The following PRMT9 variants were observed in gnomAD, a reference collection of about 807,000 sequenced individuals.
PRMT9 encodes protein arginine N-methyltransferase 9.
Under a neutral mutation model 83.2 loss-of-function variants are expected in PRMT9, and 59 were observed. The ratio of observed to expected loss-of-function variants is 0.71; its 90% CI spans 0.57 to 0.88. The LOEUF (loss-of-function observed/expected upper bound fraction) is 0.88, where lower values mean the gene tolerates loss of function less well. Ranked by LOEUF, PRMT9 falls within the 40% of genes least tolerant of loss-of-function variation. PRMT9 has a pLI of 0.00. For synonymous variants in PRMT9, 333 were observed against 353.2 expected, an observed-to-expected ratio of 0.94 and a Z score of 0.64; for missense variants, 947 against 1,021.9, an observed-to-expected ratio of 0.93 and a Z score of 1.00.
In PRMT9 at chr4:147,683,828, G is replaced by A. The variant is rs762505946; in HGVS notation, c.160C>T (p.Leu54=). 6.2e-7 allele frequency: 1 copy of A among 1,611,150 alleles called. No homozygotes were observed. Among genetic ancestry groups the A allele is most frequent in the Non-Finnish European group, 8.5e-7 (1 of 1,178,742 alleles). The change falls in exon 1 of 12, where the codon CTG becomes TTG. Residue 54 remains leucine, a synonymous_variant. Transcript: ENST00000322396. ...AYAHYLLVLS[L]APELKHDVKE... ...ACGTCGTGTTTCAGCTCCGGCGCCA[G>A]GCTGAGCACGAGGAGGTAGTGGGCA...
At chr4:147,658,095 T>TGCCA in intron 7 of PRMT9, 120 bp from the exon 8 acceptor site, 1 of 719,324 alleles carries the variant, frequency 1.4e-6, no homozygotes, top group Non-Finnish European at 2.4e-6. Context: ...AGGGATTCAG[T>TGCCA]ATCTTGGCAC....
In PRMT9 at chr4:147,673,748, G is replaced by A. The variant is rs368933812; in HGVS notation, c.465C>T (p.Ile155=). Residue 155 remains isoleucine (I), a synonymous_variant, in exon 3 of 12, where the codon ATC becomes ATT. Coordinates refer to ENST00000322396, the MANE Select transcript of PRMT9 (RefSeq NM_138364.4). ...ANWLVERWHF[I]MLNDTKRNTI... ...TATTCCTCTTGGTGTCATTAAGCAT[G>A]ATAAAGTGCCAGCGTTCCACCAACC... 103 of 1,613,784 alleles carry A rather than the reference G, an allele frequency of 6.4e-5. No individual in the cohort carries two copies. The highest frequency in any genetic ancestry group is 8.7e-5 in the Non-Finnish European group (103 of 1,179,846).
Position 147,683,841 on chromosome 4 carries a change from G to A in PRMT9, c.147C>T (p.Leu49=), listed in dbSNP as rs372671951. 3.1e-6 allele frequency: 5 copies of A among 1,613,364 alleles called. No individual in the cohort carries two copies. In the African/African-American group the frequency reaches 5.4e-5, roughly 17 times the overall value. Residue 49 remains leucine (L), a synonymous_variant, in exon 1 of 12, where the codon CTC becomes CTT. Transcript: ENST00000322396. ...QDFGTAYAHY[L]LVLSLAPELK... ...GCTCCGGCGCCAGGCTGAGCACGAG[G>A]AGGTAGTGGGCATAGGCAGTGCCGA...
chr4:147,647,347 C>G (rs895121903), intron 9 of PRMT9, among the ~76,000 whole-genome samples: 1 of 152,022 alleles, frequency 6.6e-6, no homozygotes, highest in South Asian at 2.1e-4. Context: ...TGACTCAGCA[C>G]AGGAAGATCG....
At chr4:147,640,109 G>A (rs1210056976) in intron 10 of PRMT9, among the ~76,000 whole-genome samples, 1 of 106,254 alleles carries the variant, frequency 9.4e-6, no homozygotes, top group Non-Finnish European at 1.7e-5. Context: ...GTCTCACTCT[G>A]TTCCCCAGGC....
chr4:147,668,875 A>G (rs1282129093), intron 5 of PRMT9, among the ~76,000 whole-genome samples: 1 of 152,056 alleles, frequency 6.6e-6, no homozygotes, highest in Non-Finnish European at 1.5e-5. Flanking sequence ...TCACGAGGTC[A>G]GGAGATCAAG....
intron 2 of PRMT9, among the ~76,000 whole-genome samples, chr4:147,679,243 G>A (rs907764148): frequency 1.3e-5 from 2 of 151,878 alleles, no homozygotes; most frequent in Non-Finnish European, 2.9e-5. Context: ...ACCAGCTTGG[G>A]CAACAACATG....
At chr4:147,655,782 G>A (rs1734444968) in intron 8 of PRMT9, among the ~76,000 whole-genome samples, 1 of 152,094 alleles carries the variant, frequency 6.6e-6, no homozygotes, top group African/African-American at 2.4e-5. Flanking sequence ...CTCAGCAGGA[G>A]GATACCAAAG....
chr4:147,643,041 C>T, intron 9 of PRMT9, 101 bp from the exon 10 acceptor site: 1 of 1,033,226 alleles, frequency 9.7e-7, no homozygotes, highest in Non-Finnish European at 1.5e-6. Context: ...GGGTGGATCA[C>T]TTAAGCCCAA....
At chr4:147,652,686 A>G (rs1268336705) in intron 9 of PRMT9, among the ~76,000 whole-genome samples, 1 of 137,538 alleles carries the variant, frequency 7.3e-6, no homozygotes. Flanking sequence ...ATCCCACCAG[A>G]CCCCATTCTA....
intron 1 of PRMT9, 60 bp downstream of exon 1, chr4:147,683,733 CTGTTTT>C: frequency 8.2e-6 from 4 of 489,410 alleles, no homozygotes; most frequent in Non-Finnish European, 9.8e-6. Context: ...TTTTTTTTTT[CTGTTTT>C]TTTTTTTTTT....
intron 2 of PRMT9, among the ~76,000 whole-genome samples, chr4:147,678,875 C>G (rs1042433535): frequency 1.3e-5 from 2 of 152,208 alleles, no homozygotes; most frequent in African/African-American, 2.4e-5. Flanking sequence ...TTCCTTTACA[C>G]TTTGCCCCAT....
intron 5 of PRMT9, among the ~76,000 whole-genome samples, chr4:147,670,275 G>C (rs1386168296): frequency 6.6e-6 from 1 of 152,170 alleles, no homozygotes; most frequent in Non-Finnish European, 1.5e-5. Context: ...CACCTCCCGG[G>C]TTCAAGCGAT....
intron 7 of PRMT9, among the ~76,000 whole-genome samples, chr4:147,659,328 A>C (rs1578905294): frequency 1.3e-5 from 2 of 151,740 alleles, no homozygotes; most frequent in East Asian, 3.9e-4. Context: ...TTGAACCCGA[A>C]AAGTGGAGGC....
Position 147,638,742 on chromosome 4 carries a change from G to C in PRMT9, c.2328C>G (p.Tyr776Ter). ...LNTSNREVKV[Y>*]VCKSGRLTAI... is the part of the protein sequence containing the mutation. ...CAGTCAGTCTTCCAGATTTACAAAC[G>C]TATACCTATGAAAATAAAGAAATTA... The change falls in exon 12 of 12, where the codon TAC becomes TAG. Residue 776 changes from tyrosine to a stop codon, truncating the protein, a stop_gained. Coordinates refer to ENST00000322396, the MANE Select transcript of PRMT9 (RefSeq NM_138364.4). LOFTEE classifies it high-confidence loss of function. The C allele has an allele frequency of 3.1e-6, 5 of 1,605,346 alleles. No homozygotes were observed. Among genetic ancestry groups the C allele is most frequent in the Non-Finnish European group, 2.6e-6 (3 of 1,172,874 alleles).
At chr4:147,640,268 T>G (rs2126565413) in intron 10 of PRMT9, among the ~76,000 whole-genome samples, 1 of 151,964 alleles carries the variant, frequency 6.6e-6, no homozygotes, top group South Asian at 2.1e-4. Flanking sequence ...AGATGGGTTT[T>G]TGCCATGTTG....
intron 9 of PRMT9, among the ~76,000 whole-genome samples, chr4:147,646,395 C>G (rs1028941402): frequency 6.6e-6 from 1 of 152,112 alleles, no homozygotes. Context: ...ATGAAATTAG[C>G]AAGCTAAAAA....
chr4:147,651,128 A>G (rs1224520651), intron 9 of PRMT9, among the ~76,000 whole-genome samples: 2 of 152,004 alleles, frequency 1.3e-5, no homozygotes, highest in East Asian at 3.9e-4. Flanking sequence ...AAGAGACCAT[A>G]TAAATAAACC....
chr4:147,642,614 TATA>T (rs954030967), intron 10 of PRMT9, among the ~76,000 whole-genome samples, 170 bp downstream of exon 10: 2 of 152,204 alleles, frequency 1.3e-5, no homozygotes, highest in Admixed American at 1.3e-4. Flanking sequence ...GATTTTTACC[TATA>T]ATAAGTTCCT....
Sources: allele counts gnomAD v4.1 joint callset (sites outside exome capture counted in the v4.1 genomes callset), GRCh38; gene constraint gnomAD v4.1.1; transcripts MANE v1.5; gene names NCBI Gene and HGNC (gene_info 2026-07-23, HGNC 2026-07-21).